The following GRB14 variants were observed in gnomAD, a reference collection of about 807,000 sequenced individuals.
The protein encoded by GRB14 is growth factor receptor-bound protein 14.
In GRB14, 38 loss-of-function variants were observed where a neutral mutation model predicts 69.1. That is an observed-to-expected ratio of 0.55 (90% confidence interval 0.42 to 0.72). The LOEUF (loss-of-function observed/expected upper bound fraction) is 0.72, where lower values mean the gene tolerates loss of function less well. Among genes scored for constraint, GRB14 ranks in the 30% least tolerant of loss-of-function variants. The pLI, the probability that GRB14 is intolerant of heterozygous loss-of-function variation, is 0.00. For synonymous variants in GRB14, 247 were observed against 241.3 expected, an observed-to-expected ratio of 1.02 and a Z score of -0.22; for missense variants, 666 against 666.1, an observed-to-expected ratio of 1.00 and a Z score of 0.00.
rs144049924 is a variant in GRB14 at position 164,611,412 on chromosome 2, A to T, written c.324+8275T>A. Among the ~76,000 whole-genome samples the T allele has an allele frequency of 6.0e-4, 92 of 152,210 alleles. No individual in the cohort carries two copies. In the Middle Eastern group the frequency reaches 0.02, roughly 34 times the overall value. On this transcript the variant is annotated intron_variant, in intron 2 of 13. Transcript: ENST00000263915. Reference sequence around the variant, plus strand: ...AGATTCAAGCCTACTTTGATGAAAGATGAAGCAGTACTTAACAAGAACAGA... The same window carrying T: ...AGATTCAAGCCTACTTTGATGAAAGTTGAAGCAGTACTTAACAAGAACAGA...
intron 3 of GRB14, 98 bp downstream of exon 3, chr2:164,547,562 A>C: frequency 2.1e-6 from 2 of 966,304 alleles, no homozygotes; most frequent in Non-Finnish European, 3.0e-6. Context: ...ATAGAAAATT[A>C]TCTCAAAACA....
At chr2:164,558,353 C>T (rs1380281393) in intron 2 of GRB14, among the ~76,000 whole-genome samples, 5 of 152,122 alleles carry the variant, frequency 3.3e-5, no homozygotes, top group African/African-American at 1.2e-4. Flanking sequence ...AAAGAAACTG[C>T]TCCAATTTCA....
chr2:164,562,427 C>T (rs1437621244), intron 2 of GRB14, among the ~76,000 whole-genome samples: 1 of 152,068 alleles, frequency 6.6e-6, no homozygotes, highest in African/African-American at 2.4e-5. Flanking sequence ...GAAAGGAAAG[C>T]AGTGGGAGCA....
intron 6 of GRB14, among the ~76,000 whole-genome samples, chr2:164,510,357 C>G (rs1687308926): frequency 6.6e-6 from 1 of 152,092 alleles, no homozygotes; most frequent in Admixed American, 6.5e-5. Flanking sequence ...GCATGGTTAG[C>G]AAAATCTAAG....
chr2:164,550,770 T>C (rs1363142570), intron 2 of GRB14, among the ~76,000 whole-genome samples: 1 of 152,134 alleles, frequency 6.6e-6, no homozygotes. Context: ...GAATGGAATA[T>C]TATATGGTCC....
At chr2:164,551,983 A>T (rs1385947879) in intron 2 of GRB14, among the ~76,000 whole-genome samples, 1 of 152,208 alleles carries the variant, frequency 6.6e-6, no homozygotes, top group Non-Finnish European at 1.5e-5. Flanking sequence ...TCATGTCAGA[A>T]GACAAAGCGG....
At chr2:164,527,393 T>C (rs1002629238) in intron 3 of GRB14, among the ~76,000 whole-genome samples, 7 of 151,606 alleles carry the variant, frequency 4.6e-5, no homozygotes, top group Non-Finnish European at 8.9e-5. Context: ...AAAAAATGTA[T>C]AAAATATCAT....
At position 164,576,825 on chromosome 2, in the gene GRB14, G is replaced by GA. The variant is rs34654739; in HGVS notation, c.325-29010dup. Among the ~76,000 whole-genome samples, 6 of 149,660 alleles carry GA rather than the reference G, an allele frequency of 4.0e-5. No homozygotes were observed. The East Asian group carries it at 7.9e-4, about 20-fold the overall frequency. On this transcript the variant is annotated intron_variant, in intron 2 of 13. Transcript: ENST00000263915. ...AATATAAAAGTAGAAATTAAAACTTGAAAAAAAAAGGTAAAATGATAAAAC... is the reference window on the plus strand; with the variant it reads ...AATATAAAAGTAGAAATTAAAACTTGAAAAAAAAAAGGTAAAATGATAAAAC...
At chr2:164,598,048 T>A (rs1456280256) in intron 2 of GRB14, among the ~76,000 whole-genome samples, 4 of 151,950 alleles carry the variant, frequency 2.6e-5, no homozygotes, top group Admixed American at 1.3e-4. Context: ...CTCACTGCAT[T>A]GAGACCCTAG....
At chr2:164,616,354 A>G (rs1690294686) in intron 2 of GRB14, among the ~76,000 whole-genome samples, 1 of 142,462 alleles carries the variant, frequency 7.0e-6, no homozygotes, top group South Asian at 2.3e-4. Flanking sequence ...TGAACCCAGG[A>G]GGCAGAGCTT....
At chr2:164,522,870 C>T (rs1687669466) in intron 5 of GRB14, among the ~76,000 whole-genome samples, 1 of 152,074 alleles carries the variant, frequency 6.6e-6, no homozygotes, top group Non-Finnish European at 1.5e-5. Context: ...TTGACCCATA[C>T]AATATGTGGA....
At position 164,492,945 on chromosome 2, in the gene GRB14, C is replaced by T. The variant is rs1175954858; in HGVS notation, c.*91G>A. 72 of 1,193,522 alleles carry T rather than the reference C, an allele frequency of 6.0e-5. No individual in the cohort carries two copies. The highest frequency in any genetic ancestry group is 1.3e-4 in the East Asian group (5 of 39,836). The allele number at this position is 1,193,522 out of a possible 1,614,324, so 73.9% of individuals were successfully genotyped here. On this transcript the variant is annotated 3_prime_UTR_variant, in exon 14 of 14. Transcript: ENST00000263915. ...TTGCAGGTGAAATACATTCTTTTCA[C>T]ATGGTAATGTTTTCGCCCTTATTTA... is the stretch of plus-strand genomic sequence containing the variant.
chr2:164,611,537 C>T (rs1282946017), intron 2 of GRB14, among the ~76,000 whole-genome samples: 2 of 151,060 alleles, frequency 1.3e-5, no homozygotes, highest in African/African-American at 4.9e-5. Context: ...CACCCCGTAC[C>T]TATTAAACCA....
chr2:164,519,087 A>G (rs1045890280), intron 6 of GRB14, among the ~76,000 whole-genome samples: 8 of 152,156 alleles, frequency 5.3e-5, no homozygotes, highest in African/African-American at 1.9e-4. Flanking sequence ...ACTACAGACC[A>G]ATATCCCTGA....
intron 2 of GRB14, among the ~76,000 whole-genome samples, chr2:164,590,936 T>G (rs1298320763): frequency 2.0e-5 from 3 of 152,212 alleles, no homozygotes; most frequent in Non-Finnish European, 4.4e-5. Flanking sequence ...TGGAATAACA[T>G]GCTAATACTT....
chr2:164,581,601 G>A (rs192431836), intron 2 of GRB14, among the ~76,000 whole-genome samples: 15 of 152,178 alleles, frequency 9.9e-5, no homozygotes, highest in Middle Eastern at 3.4e-3. Context: ...ATGAAGCCCC[G>A]CTGAGATCTG....
intron 2 of GRB14, among the ~76,000 whole-genome samples, chr2:164,570,153 T>C (rs1689091850): frequency 6.6e-6 from 1 of 151,648 alleles, no homozygotes; most frequent in South Asian, 2.1e-4. Context: ...CACGTGCCTG[T>C]AGTCCCAGCT....
In GRB14 at chr2:164,565,086, C is replaced by T. The variant is rs568160562; in HGVS notation, c.325-17270G>A. Among the ~76,000 whole-genome samples the T allele has an allele frequency of 9.2e-5, 14 of 152,068 alleles. No homozygotes were observed. The South Asian group carries it at 1.9e-3, about 20-fold the overall frequency. ...GAGACATGAAATATGCCTGACCCAC[C>T]GAATCAGGATATGGATGTAAGGCCT... On this transcript the variant is annotated intron_variant, in intron 2 of 13. Transcript: ENST00000263915.
intron 8 of GRB14, among the ~76,000 whole-genome samples, chr2:164,506,897 C>T (rs1170210585): frequency 2.0e-5 from 3 of 152,098 alleles, no homozygotes; most frequent in Non-Finnish European, 4.4e-5. Context: ...CTGTATGATT[C>T]CATTTATATG....
Sources: gnomAD v4.1 joint callset for allele counts (sites outside exome capture counted in the v4.1 genomes callset) on GRCh38, gnomAD v4.1.1 for gene constraint, MANE v1.5 for transcripts, NCBI Gene and HGNC (gene_info 2026-07-23, HGNC 2026-07-21) for gene names.